Variants in CSGALNACT1 observed in about 807,000 individuals in gnomAD.
CSGALNACT1 encodes chondroitin sulfate N-acetylgalactosaminyltransferase 1, also known as beta4GalNAcT-1.
Under a neutral mutation model 51.0 loss-of-function variants are expected in CSGALNACT1, and 52 were observed. That is an observed-to-expected ratio of 1.02 (90% CI 0.82 to 1.29). CSGALNACT1 has a LOEUF of 1.29. Ranked by LOEUF, CSGALNACT1 falls within the 50% of genes most tolerant of loss-of-function variation. The probability of loss-of-function intolerance (pLI) is 0.00; values close to 1 mark genes in which losing one functional copy is unlikely to be tolerated. For synonymous variants in CSGALNACT1, 341 were observed against 254.4 expected, an observed-to-expected ratio of 1.34 and a Z score of -3.24; for missense variants, 935 against 679.2, an observed-to-expected ratio of 1.38 and a Z score of -4.19.
chr8:19,508,576 C>G (rs1442028793), intron 3 of CSGALNACT1, among the ~76,000 whole-genome samples: 3 of 152,172 alleles, frequency 2.0e-5, no homozygotes, highest in Non-Finnish European at 4.4e-5. Flanking sequence ...CTAATGAAGT[C>G]TCTTAGATAA....
rs111734132 is a variant in CSGALNACT1 at position 19,577,401 on chromosome 8, C to CAAA, written c.-297+13756_-297+13758dup. Reference sequence around the variant, plus strand: ...ACAACGAAGCCCGACCCCACCTCTACAAAAAAAAAAAAAGCCTAGTATGGT... The same window carrying CAAA: ...ACAACGAAGCCCGACCCCACCTCTACAAAAAAAAAAAAAAAAGCCTAGTATGGT... On this transcript the variant is annotated intron_variant, in intron 3 of 9. Transcript: ENST00000454498. 1.3e-4 allele frequency among the ~76,000 whole-genome samples: 14 copies of CAAA among 104,258 alleles called. 1 individual carries two copies. The highest frequency in any genetic ancestry group is 5.6e-4 in the African/African-American group (13 of 23,158). The allele number at this position is 104,258 out of a possible 152,430, so 68.4% of individuals were successfully genotyped here.
At chr8:19,660,428 G>C (rs2154190057) in intron 1 of CSGALNACT1, among the ~76,000 whole-genome samples, 1 of 152,268 alleles carries the variant, frequency 6.6e-6, no homozygotes, top group South Asian at 2.1e-4. Flanking sequence ...ATGAGTGGCA[G>C]AAATAAGACT....
Position 19,505,774 on chromosome 8 carries a change from G to T in CSGALNACT1, c.61C>A (p.Leu21Ile), listed in dbSNP as rs78501171. 17 of 1,614,048 alleles carry T rather than the reference G, an allele frequency of 1.1e-5. No individual in the cohort carries two copies. The East Asian group carries it at 3.3e-4, about 32-fold the overall frequency. The change falls in exon 4 of 10, where the codon CTC becomes ATC. Residue 21 changes from leucine (L) to isoleucine (I), a missense_variant. Transcript: ENST00000454498. Reference sequence around the variant, plus strand: ...AGGACAGAGATAGCACAGCAGAGGAGCACCAGCAAAACCACCACCCGGGAA... The same window carrying T: ...AGGACAGAGATAGCACAGCAGAGGATCACCAGCAAAACCACCACCCGGGAA...
intron 3 of CSGALNACT1, among the ~76,000 whole-genome samples, chr8:19,584,672 C>A (rs1190421812): frequency 6.6e-6 from 1 of 152,154 alleles, no homozygotes; most frequent in African/African-American, 2.4e-5. Flanking sequence ...TGCAGGGATC[C>A]TCTAACTGGC....
chr8:19,451,719 T>A (rs965137634), intron 5 of CSGALNACT1, among the ~76,000 whole-genome samples: 2 of 152,058 alleles, frequency 1.3e-5, no homozygotes, highest in African/African-American at 4.8e-5. Context: ...CTTCCTTCTG[T>A]CCAAGAAGAC....
chr8:19,543,091 G>A (rs11988176), intron 3 of CSGALNACT1, among the ~76,000 whole-genome samples: 48,859 of 151,934 alleles, frequency 0.32, 8,961 homozygotes, highest in African/African-American at 0.51. Context: ...TTATGACTGA[G>A]TTATAACTAA....
At chr8:19,472,571 G>C (rs2068443149) in intron 4 of CSGALNACT1, among the ~76,000 whole-genome samples, 1 of 152,230 alleles carries the variant, frequency 6.6e-6, no homozygotes, top group Admixed American at 6.5e-5. Flanking sequence ...GGTTGCAAAT[G>C]CTATGCTCCC....
intron 3 of CSGALNACT1, among the ~76,000 whole-genome samples, chr8:19,538,818 G>A (rs2975493): frequency 4.6e-4 from 70 of 152,070 alleles, no homozygotes; most frequent in African/African-American, 1.7e-3. Context: ...TTGCTTCCTA[G>A]ATACCCCTGC....
At chr8:19,670,766 T>C (rs1321644193) in intron 1 of CSGALNACT1, among the ~76,000 whole-genome samples, 1 of 151,840 alleles carries the variant, frequency 6.6e-6, no homozygotes, top group Non-Finnish European at 1.5e-5. Context: ...GCTTAAAGCA[T>C]TTCTATGGTT....
chr8:19,740,142 T>TG (rs2064220897), intron 1 of CSGALNACT1, among the ~76,000 whole-genome samples: 1 of 152,206 alleles, frequency 6.6e-6, no homozygotes, highest in African/African-American at 2.4e-5. Flanking sequence ...CTGTGCCTCC[T>TG]GGGCAGAGGC....
chr8:19,672,631 C>T (rs2059880041), intron 1 of CSGALNACT1, among the ~76,000 whole-genome samples: 2 of 152,172 alleles, frequency 1.3e-5, no homozygotes, highest in African/African-American at 4.8e-5. Context: ...TTATAGATGA[C>T]ATTTATATAA....
At chr8:19,520,414 G>A (rs1417955534) in intron 3 of CSGALNACT1, among the ~76,000 whole-genome samples, 2 of 152,204 alleles carry the variant, frequency 1.3e-5, no homozygotes, top group South Asian at 2.1e-4. Context: ...TTAAGGCTGT[G>A]GCTCCAGCCT....
intron 3 of CSGALNACT1, among the ~76,000 whole-genome samples, chr8:19,573,077 G>A (rs575853312): frequency 1.3e-5 from 2 of 152,276 alleles, no homozygotes; most frequent in South Asian, 4.1e-4. Context: ...TTCACCTCCT[G>A]CCAGCAGATC....
intron 8 of CSGALNACT1, among the ~76,000 whole-genome samples, chr8:19,413,451 G>A (rs1176582863): frequency 5.3e-4 from 81 of 152,250 alleles, no homozygotes; most frequent in Admixed American, 5.2e-3. Flanking sequence ...GTGAGATAAC[G>A]TGGGCACCGG....
intron 3 of CSGALNACT1, among the ~76,000 whole-genome samples, chr8:19,567,885 C>T (rs911277073): frequency 1.3e-5 from 2 of 151,776 alleles, no homozygotes; most frequent in Admixed American, 6.6e-5. Context: ...AAAAAGATAC[C>T]ATTTACTATG....
At position 19,676,084 on chromosome 8, in the gene CSGALNACT1, T is replaced by TAAAAAAAAAA. The variant is rs148674039; in HGVS notation, c.-544+6388_-544+6389insTTTTTTTTTT. 1.9e-3 allele frequency among the ~76,000 whole-genome samples: 200 copies of TAAAAAAAAAA among 105,994 alleles called. 8 individuals are homozygous for TAAAAAAAAAA. Among genetic ancestry groups the TAAAAAAAAAA allele is most frequent in the East Asian group, 0.011 (39 of 3,612 alleles). 69.5% of individuals were successfully genotyped at this position (105,994 alleles called of 152,430 possible). On this transcript the variant is annotated intron_variant, in intron 1 of 9. Coordinates refer to the CSGALNACT1 transcript ENST00000332246. ...CACGATGGATGGTGGTTGTCTGATT[T>TAAAAAAAAAA]AAAAAACAAAACAAAACAAAAAAAA...
chr8:19,747,678 T>G (rs2154252254), intron 1 of CSGALNACT1, among the ~76,000 whole-genome samples: 1 of 152,328 alleles, frequency 6.6e-6, no homozygotes, highest in South Asian at 2.1e-4. Context: ...TTCATTGCTT[T>G]GCATTTGATT....
intron 1 of CSGALNACT1, among the ~76,000 whole-genome samples, chr8:19,756,239 C>G (rs114830917): frequency 0.014 from 2,073 of 151,878 alleles, 49 homozygotes; most frequent in African/African-American, 0.046. Context: ...AAAAAAAAAC[C>G]GTGAAAGAAC....
chr8:19,684,802 G>A (rs550064218), upstream of CSGALNACT1, among the ~76,000 whole-genome samples: 7 of 152,282 alleles, frequency 4.6e-5, no homozygotes, highest in East Asian at 7.7e-4. Flanking sequence ...AAAAAAGAAC[G>A]TGAATCTCCA....
Sources: gnomAD v4.1 joint callset for allele counts (sites outside exome capture counted in the v4.1 genomes callset) on GRCh38, gnomAD v4.1.1 for gene constraint, MANE v1.5 for transcripts, NCBI Gene and HGNC (gene_info 2026-07-23, HGNC 2026-07-21) for gene names.